CDH19: variants seen among roughly 807,000 people sequenced by gnomAD.
The protein encoded by CDH19 is cadherin 19.
Under a neutral mutation model 64.2 loss-of-function variants are expected in CDH19, and 67 were observed. That is an observed-to-expected ratio of 1.04 (90% CI 0.86 to 1.28). The LOEUF (loss-of-function observed/expected upper bound fraction) is 1.28. CDH19 is among the 50% of genes most tolerant of loss of function. The pLI is 0.00. For missense variants in CDH19, 1,030 were observed against 929.0 expected (o/e 1.11, Z -1.41); for synonymous variants, 346 against 319.3 (o/e 1.08, Z -0.89).
Position 66,504,228 on chromosome 18 carries a change from C to A in CDH19, c.*584G>T, listed in dbSNP as rs1028624346. 1 of 150,008 alleles carries A rather than the reference C, an allele frequency of 6.7e-6. No individual in the cohort carries two copies. The highest frequency in any genetic ancestry group is 1.5e-5 in the Non-Finnish European group (1 of 67,626). The allele number at this position is 150,008 out of a possible 1,614,324, so 9.3% of individuals were successfully genotyped here. A position where few individuals can be genotyped will look rare whatever the true frequency, so the allele number is the denominator to read the frequency against. ...TATTTACATTTTCTCGTCTATTTTC[C>A]ATGGATTCCTCCAACTGTTGTTTAT... On this transcript the variant is annotated 3_prime_UTR_variant, in exon 12 of 12. Transcript: ENST00000262150.
intron 3 of CDH19, among the ~76,000 whole-genome samples, chr18:66,564,281 A>G (rs1007913230): frequency 6.6e-6 from 1 of 152,028 alleles, no homozygotes; most frequent in Non-Finnish European, 1.5e-5. Context: ...GATCATTATA[A>G]CATATTATAT....
intron 9 of CDH19, among the ~76,000 whole-genome samples, chr18:66,515,148 G>T (rs1369726009): frequency 1.3e-5 from 2 of 151,564 alleles, no homozygotes; most frequent in South Asian, 2.1e-4. Flanking sequence ...TAAACAAAAA[G>T]TTGGAGTTGT....
intron 9 of CDH19, among the ~76,000 whole-genome samples, chr18:66,514,210 T>C (rs1384419899): frequency 3.3e-5 from 5 of 151,412 alleles, no homozygotes. Context: ...GAGTAGTAAG[T>C]GTAGCCCTCT....
At chr18:66,540,552 T>C (rs990536212) in intron 7 of CDH19, among the ~76,000 whole-genome samples, 5 of 152,158 alleles carry the variant, frequency 3.3e-5, no homozygotes, top group African/African-American at 1.2e-4. Flanking sequence ...CCAGCATGAT[T>C]GGCTTCTGAC....
intron 11 of CDH19, among the ~76,000 whole-genome samples, chr18:66,508,399 G>GT (rs202079200): frequency 0.24 from 35,648 of 147,468 alleles, 4,745 homozygotes; most frequent in East Asian, 0.58. Flanking sequence ...TTACTGCGCT[G>GT]TTTTTTTTTT....
chr18:66,595,784 G>A (rs980048853), intron 1 of CDH19, among the ~76,000 whole-genome samples: 1 of 152,060 alleles, frequency 6.6e-6, no homozygotes, highest in African/African-American at 2.4e-5. Flanking sequence ...TCAAAAATTT[G>A]AGGAGGATGG....
intron 8 of CDH19, among the ~76,000 whole-genome samples, chr18:66,530,420 G>A (rs572776223): frequency 2.0e-5 from 3 of 152,000 alleles, no homozygotes; most frequent in Non-Finnish European, 4.4e-5. Context: ...TAAGGTTATA[G>A]CTGCAGTGCT....
Position 66,534,976 on chromosome 18 carries a change from G to T in CDH19, c.1336+10C>A. On this transcript the variant is annotated intron_variant, in intron 8 of 11. Coordinates refer to ENST00000262150, the MANE Select transcript of CDH19 (RefSeq NM_021153.4). Reference sequence around the variant, plus strand: ...CAAACAACTGTATTGGATTTCAAATGAGTACTTACATTTTTCTGTGGCTGT... The same window carrying T: ...CAAACAACTGTATTGGATTTCAAATTAGTACTTACATTTTTCTGTGGCTGT... 1 of 1,434,416 alleles carries T rather than the reference G, an allele frequency of 7.0e-7. No homozygotes were observed. The highest frequency in any genetic ancestry group is 1.6e-5 in the South Asian group (1 of 61,244). 88.9% of individuals were successfully genotyped at this position (1,434,416 alleles called of 1,614,324 possible).
chr18:66,587,862 CTG>C (rs1988622506), intron 1 of CDH19, among the ~76,000 whole-genome samples: 1 of 152,126 alleles, frequency 6.6e-6, no homozygotes, highest in Admixed American at 6.5e-5. Context: ...ACAAAATCAA[CTG>C]TGTCTCTAAT....
chr18:66,547,684 T>C (rs1446614870), intron 5 of CDH19, among the ~76,000 whole-genome samples: 1 of 142,506 alleles, frequency 7.0e-6, no homozygotes, highest in Non-Finnish European at 1.5e-5. Flanking sequence ...TTTTTTTTTT[T>C]TGAGACGGAG....
chr18:66,505,336 C>T (rs1337409621), intron 11 of CDH19, 34 bp from the exon 12 acceptor site: 1 of 1,477,046 alleles, frequency 6.8e-7, no homozygotes, highest in Admixed American at 2.3e-5. Flanking sequence ...TATCAATAAA[C>T]AATAAAGAGT....
At chr18:66,506,146 G>A (rs1387738111) in intron 11 of CDH19, among the ~76,000 whole-genome samples, 1 of 151,952 alleles carries the variant, frequency 6.6e-6, no homozygotes, top group Admixed American at 6.6e-5. Flanking sequence ...AGAATACAAT[G>A]ATAGGTACCA....
Position 66,504,676 on chromosome 18 carries a change from A to G in CDH19, c.*136T>C. On this transcript the variant is annotated 3_prime_UTR_variant, in exon 12 of 12. Coordinates refer to ENST00000262150, the MANE Select transcript of CDH19 (RefSeq NM_021153.4). Reference sequence around the variant, plus strand: ...AGGTAGCTTAAAATAACCATGGAGTATTTACTCCAGGGAAATCAGAAAACT... The same window carrying G: ...AGGTAGCTTAAAATAACCATGGAGTGTTTACTCCAGGGAAATCAGAAAACT... 1 of 805,850 alleles carries G rather than the reference A, an allele frequency of 1.2e-6. No individual in the cohort carries two copies. The highest frequency in any genetic ancestry group is 1.9e-6 in the Non-Finnish European group (1 of 532,370). The allele number at this position is 805,850 out of a possible 1,614,324, so 49.9% of individuals were successfully genotyped here.
chr18:66,548,752 A>G (rs1012969856), intron 5 of CDH19, among the ~76,000 whole-genome samples: 1 of 152,184 alleles, frequency 6.6e-6, no homozygotes, highest in Admixed American at 6.5e-5. Context: ...ATTGGAAACA[A>G]TAAGTATGAA....
intron 1 of CDH19, among the ~76,000 whole-genome samples, chr18:66,577,382 A>G (rs376932210): frequency 3.3e-5 from 5 of 152,050 alleles, no homozygotes; most frequent in African/African-American, 1.2e-4. Flanking sequence ...GGATCAACAA[A>G]TAATTTAGTA....
chr18:66,519,914 G>A (rs1024060579), intron 9 of CDH19, among the ~76,000 whole-genome samples: 1 of 152,074 alleles, frequency 6.6e-6, no homozygotes, highest in Non-Finnish European at 1.5e-5. Context: ...GGCCAGGTGT[G>A]ATGGCTCACA....
chr18:66,537,758 T>C (rs1265916057), intron 7 of CDH19, among the ~76,000 whole-genome samples: 2 of 152,058 alleles, frequency 1.3e-5, no homozygotes, highest in Non-Finnish European at 2.9e-5. Context: ...GAGAGTAGTA[T>C]TAGAAAGCAA....
At chr18:66,537,527 A>AT (rs1412826782) in intron 7 of CDH19, among the ~76,000 whole-genome samples, 4 of 151,914 alleles carry the variant, frequency 2.6e-5, no homozygotes, top group African/African-American at 9.6e-5. Flanking sequence ...TAAAATTGCT[A>AT]TTTTTTTCTT....
intron 7 of CDH19, among the ~76,000 whole-genome samples, chr18:66,539,127 T>A (rs1441989586): frequency 1.3e-5 from 2 of 152,156 alleles, no homozygotes; most frequent in Non-Finnish European, 2.9e-5. Flanking sequence ...TTTATAATAA[T>A]CTTGTATCTT....
Sources: gnomAD v4.1 joint callset for allele counts (sites outside exome capture counted in the v4.1 genomes callset) on GRCh38, gnomAD v4.1.1 for gene constraint, MANE v1.5 for transcripts, NCBI Gene and HGNC (gene_info 2026-07-23, HGNC 2026-07-21) for gene names.